CACNA1B: variants seen among roughly 807,000 people sequenced by gnomAD.
The protein encoded by CACNA1B is voltage-dependent N-type calcium channel subunit alpha-1B.
In CACNA1B, 70 loss-of-function variants were observed where a neutral mutation model predicts 247.2. The ratio of observed to expected loss-of-function variants is 0.28; its 90% CI spans 0.23 to 0.35. The LOEUF (loss-of-function observed/expected upper bound fraction) is 0.35. CACNA1B is among the 10% of genes least tolerant of loss of function. CACNA1B has a pLI of 1.00. For missense variants in CACNA1B, 2,367 were observed against 3,197.4 expected (o/e 0.74, Z 6.26); for synonymous variants, 1,231 against 1,294.4 (o/e 0.95, Z 1.05).
rs1361673595 is a variant in CACNA1B, at chr9:138,058,000, G to T, written c.4107-49G>T. ...GTGGTGCAGGTCTTGAGTTCTTAGGGCTGTCTCCTTTGGGGGTTCCCCTGA... is the reference window on the plus strand; with the variant it reads ...GTGGTGCAGGTCTTGAGTTCTTAGGTCTGTCTCCTTTGGGGGTTCCCCTGA... On this transcript the variant is annotated intron_variant, in intron 27 of 46. Coordinates refer to ENST00000371372, the MANE Select transcript of CACNA1B (RefSeq NM_000718.4). The surrounding 1 kb of genome is among the most constrained non-coding windows in gnomAD (Gnocchi z 4.0). 3.2e-6 allele frequency: 5 copies of T among 1,576,874 alleles called. No individual in the cohort carries two copies. The highest frequency in any genetic ancestry group is 3.5e-6 in the Non-Finnish European group (4 of 1,146,480).
intron 25 of CACNA1B, 61 bp from the exon 26 acceptor site, chr9:138,053,785 T>G: frequency 1.1e-6 from 1 of 915,100 alleles, no homozygotes; most frequent in South Asian, 1.4e-5. Context: ...TTCCCCCTCA[T>G]GGCCCCACTC....
chr9:137,884,100 G>A (rs749882008), intron 3 of CACNA1B, among the ~76,000 whole-genome samples: 1 of 152,118 alleles, frequency 6.6e-6, no homozygotes, highest in Non-Finnish European at 1.5e-5. Context: ...GCCCCCATCT[G>A]CTCTGCCTGC....
chr9:137,940,172 G>A lies in CACNA1B; in HGVS notation c.967-12102G>A, dbSNP rs1018327142. ...GGTAAATAAAATTGGTAGCCCATTA[G>A]CAAGTTTAACCAAGAAAAAAAGAGA... On this transcript the variant is annotated intron_variant, in intron 6 of 46. Coordinates refer to ENST00000371372, the MANE Select transcript of CACNA1B (RefSeq NM_000718.4). 8.5e-5 allele frequency among the ~76,000 whole-genome samples: 13 copies of A among 152,114 alleles called. No homozygotes were observed. The East Asian group carries it at 9.6e-4, about 11-fold the overall frequency.
chr9:138,047,057 C>A (rs758719571), intron 22 of CACNA1B, 24 bp downstream of exon 22: 1 of 1,589,922 alleles, frequency 6.3e-7, no homozygotes, highest in South Asian at 1.1e-5. Context: ...ATGGCCGGGT[C>A]CCCGCCAGGC....
chr9:138,120,977 G>A lies in CACNA1B; in HGVS notation c.6489+96G>A, dbSNP rs550282466. The A allele has an allele frequency of 1.4e-5, 19 of 1,390,616 alleles. No homozygotes were observed. In the East Asian group the frequency reaches 4.1e-4, roughly 30 times the overall value. The allele number at this position is 1,390,616 out of a possible 1,614,324, so 86.1% of individuals were successfully genotyped here. ...TCCTGCCTCTCCCCAGGGCCTCGCTGCTGCCCTTTGTCATTCCCAGCAACC... is the reference window on the plus strand; with the variant it reads ...TCCTGCCTCTCCCCAGGGCCTCGCTACTGCCCTTTGTCATTCCCAGCAACC... On this transcript the variant is annotated intron_variant, in intron 46 of 46. Coordinates refer to ENST00000371372, the MANE Select transcript of CACNA1B (RefSeq NM_000718.4).
chr9:138,038,103 T>G (rs1385899320), intron 20 of CACNA1B, among the ~76,000 whole-genome samples: 3 of 152,222 alleles, frequency 2.0e-5, no homozygotes, highest in South Asian at 2.1e-4. Context: ...AATGCCCTAT[T>G]AACAAATAGG....
chr9:137,949,121 A>T (rs1564203191), intron 6 of CACNA1B, among the ~76,000 whole-genome samples: 6 of 816 alleles, frequency 7.4e-3, no homozygotes, highest in African/African-American at 0.018. Flanking sequence ...CTGTGTGTCC[A>T]GTGTGTGTGT....
In CACNA1B at chr9:138,121,414, C is replaced by T. The variant is rs530542651; in HGVS notation, c.6490-55C>T. On this transcript the variant is annotated intron_variant, in intron 46 of 46. Coordinates refer to ENST00000371372, the MANE Select transcript of CACNA1B (RefSeq NM_000718.4). This position sits in a 1 kb window ranked among gnomAD's most constrained non-coding sequence, Gnocchi z 6.8. The stretch of plus-strand genomic sequence containing the variant: ...GTGTGATGTGCTCTGTCTGTTGGTT[C>T]GGCTTTTTTTTTTTTTTTTTTACCT... 38 of 1,117,646 alleles carry T rather than the reference C, an allele frequency of 3.4e-5. No homozygotes were observed. The highest frequency in any genetic ancestry group is 1.1e-4 in the South Asian group (7 of 62,054). 69.2% of individuals were successfully genotyped at this position (1,117,646 alleles called of 1,614,324 possible). A position where few individuals can be genotyped will look rare whatever the true frequency, so the allele number is the denominator to read the frequency against.
At chr9:138,040,212 A>G (rs900445885) in intron 20 of CACNA1B, among the ~76,000 whole-genome samples, 8 of 152,108 alleles carry the variant, frequency 5.3e-5, no homozygotes, top group African/African-American at 1.9e-4. Context: ...TGCTGGGATT[A>G]CGGTTGTGAG....
rs1208701243 is a variant in CACNA1B at position 138,007,993 on chromosome 9, C to T, written c.2092+1109C>T. Among the ~76,000 whole-genome samples, 2 of 152,208 alleles carry T rather than the reference C, an allele frequency of 1.3e-5. No homozygotes were observed. Among genetic ancestry groups the T allele is most frequent in the Non-Finnish European group, 2.9e-5 (2 of 68,036 alleles). ...TAGGCTGGCCCAGCAGGGGCTCCCT[C>T]TCTCAGTCTTGTTAGTCACGGGGTG... is the stretch of plus-strand genomic sequence containing the variant. On this transcript the variant is annotated intron_variant, in intron 16 of 46. Coordinates refer to ENST00000371372, the MANE Select transcript of CACNA1B (RefSeq NM_000718.4). The surrounding 1 kb of genome is among the most constrained non-coding windows in gnomAD (Gnocchi z 4.1).
At chr9:137,948,808 G>A (rs1957830084) in intron 6 of CACNA1B, among the ~76,000 whole-genome samples, 1 of 147,322 alleles carries the variant, frequency 6.8e-6, no homozygotes, top group South Asian at 2.2e-4. Context: ...TGTGTGGTGT[G>A]TGCATGTGTG....
chr9:137,902,252 G>C (rs1286964574), intron 3 of CACNA1B, among the ~76,000 whole-genome samples: 1 of 152,166 alleles, frequency 6.6e-6, no homozygotes, highest in African/African-American at 2.4e-5. Context: ...ACCAGGTACT[G>C]TGCCTGGCCT....
intron 36 of CACNA1B, among the ~76,000 whole-genome samples, chr9:138,089,980 C>G (rs1589122180): frequency 6.6e-6 from 1 of 152,110 alleles, no homozygotes; most frequent in African/African-American, 2.4e-5. Context: ...ACATTTGATG[C>G]TCATGGATTG....
chr9:137,944,909 CTG>C (rs1957777753), intron 6 of CACNA1B, among the ~76,000 whole-genome samples: 1 of 152,154 alleles, frequency 6.6e-6, no homozygotes, highest in South Asian at 2.1e-4. Flanking sequence ...GCACTTCCCT[CTG>C]AGAGACAGGT....
chr9:137,955,752 G>T lies in CACNA1B; in HGVS notation c.1125G>T (p.Leu375=), dbSNP rs1460949881. ...AGAACCGCCGCGCCTTCCTGAAGCT[G>T]CGCCGGCAGCAGCAGATCGAGCGAG... ...RVENRRAFLK[L]RRQQQIEREL... Residue 375 remains leucine (L), a synonymous_variant, in exon 8 of 47, where the codon CTG becomes CTT. Transcript: ENST00000371372. This position sits in a 1 kb window ranked among gnomAD's most constrained non-coding sequence, Gnocchi z 6.9. The T allele has an allele frequency of 3.1e-6, 5 of 1,613,256 alleles. No individual in the cohort carries two copies. The highest frequency in any genetic ancestry group is 4.2e-6 in the Non-Finnish European group (5 of 1,179,622).
At chr9:137,969,051 C>G (rs963827824) in intron 10 of CACNA1B, among the ~76,000 whole-genome samples, 4 of 152,194 alleles carry the variant, frequency 2.6e-5, no homozygotes, top group Non-Finnish European at 5.9e-5. Context: ...TTTACTGGAG[C>G]AGACTGGAGT....
chr9:137,891,677 A>C lies in CACNA1B; in HGVS notation c.530+8794A>C, dbSNP rs1343778658. 8.2e-6 allele frequency: 2 copies of C among 243,646 alleles called. No homozygotes were observed. The highest frequency in any genetic ancestry group is 1.6e-5 in the Non-Finnish European group (2 of 123,560). 15.1% of individuals were successfully genotyped at this position (243,646 alleles called of 1,614,324 possible). On this transcript the variant is annotated intron_variant, in intron 3 of 46. Coordinates refer to ENST00000371372, the MANE Select transcript of CACNA1B (RefSeq NM_000718.4). The surrounding 1 kb of genome is among the most constrained non-coding windows in gnomAD (Gnocchi z 4.3). ...AGAGTTGCAGATTCACACTGAGGTGAGGATGGTTGCTAATGGCTTCTCGGG... is the reference window on the plus strand; with the variant it reads ...AGAGTTGCAGATTCACACTGAGGTGCGGATGGTTGCTAATGGCTTCTCGGG...
intron 10 of CACNA1B, among the ~76,000 whole-genome samples, chr9:137,966,977 T>TA (rs1958086138): frequency 7.6e-6 from 1 of 131,046 alleles, no homozygotes; most frequent in Non-Finnish European, 1.5e-5. Flanking sequence ...TTTTTTTTTT[T>TA]TAAAAAAAAA....
At chr9:137,961,895 G>A (rs1958025145) in intron 10 of CACNA1B, among the ~76,000 whole-genome samples, 1 of 152,148 alleles carries the variant, frequency 6.6e-6, no homozygotes, top group South Asian at 2.1e-4. Flanking sequence ...TGGTCTCATA[G>A]AATGAGTTAG....
Sources: gnomAD v4.1 joint callset for allele counts (sites outside exome capture counted in the v4.1 genomes callset) on GRCh38, gnomAD v4.1.1 for gene constraint, Gnocchi (gnomAD v3.1) non-coding constraint, MANE v1.5 for transcripts, NCBI Gene and HGNC (gene_info 2026-07-23, HGNC 2026-07-21) for gene names.